CALN1: variants seen among roughly 807,000 people sequenced by gnomAD.
The protein encoded by CALN1 is calcium-binding protein 8.
In CALN1, 17 loss-of-function variants were observed where a neutral mutation model predicts 30.6. The ratio of observed to expected loss-of-function variants is 0.56; its 90% confidence interval spans 0.38 to 0.83. CALN1 has a LOEUF of 0.83. CALN1 is among the 40% of genes least tolerant of loss of function. The pLI is 0.00. For missense variants in CALN1, 291 were observed against 354.9 expected (o/e 0.82, Z 1.45); for synonymous variants, 156 against 131.4 (o/e 1.19, Z -1.28).
chr7:72,186,885 C>CTTTTT (rs34604151), intron 3 of CALN1, among the ~76,000 whole-genome samples: 3 of 61,296 alleles, frequency 4.9e-5, no homozygotes, highest in Non-Finnish European at 3.1e-5. Context: ...GAGTGCAGAG[C>CTTTTT]TTTTTTTTTT....
At chr7:72,086,021 AT>A (rs759667996) in intron 4 of CALN1, among the ~76,000 whole-genome samples, 1 of 152,180 alleles carries the variant, frequency 6.6e-6, no homozygotes, top group Non-Finnish European at 1.5e-5. Flanking sequence ...AGATAAAAAA[AT>A]ATATAAAGTT....
rs868680388 is a variant in CALN1, at chr7:72,106,033, C to T, written c.388+118G>A. ...AAGCCTGTTCTAGTCCAAGTTTCTGCTTCTCAAATGTAAACCAAGTCTCTG... is the reference window on the plus strand; with the variant it reads ...AAGCCTGTTCTAGTCCAAGTTTCTGTTTCTCAAATGTAAACCAAGTCTCTG... On this transcript the variant is annotated intron_variant, in intron 4 of 6. Coordinates refer to ENST00000395275, the MANE Select transcript of CALN1 (RefSeq NM_031468.4). The T allele has an allele frequency of 2.1e-5, 29 of 1,356,364 alleles. No individual in the cohort carries two copies. In the African/African-American group the frequency reaches 3.9e-4, roughly 18 times the overall value. The allele number at this position is 1,356,364 out of a possible 1,614,324, so 84.0% of individuals were successfully genotyped here.
chr7:72,420,762 G>A (rs1585710609), intron 1 of CALN1, among the ~76,000 whole-genome samples: 1 of 151,616 alleles, frequency 6.6e-6, no homozygotes, highest in African/African-American at 2.4e-5. Flanking sequence ...TGGGACTACA[G>A]GAGCCCGCCA....
At chr7:71,926,462 C>T (rs762575565) in intron 5 of CALN1, among the ~76,000 whole-genome samples, 2 of 152,178 alleles carry the variant, frequency 1.3e-5, no homozygotes, top group Non-Finnish European at 2.9e-5. Context: ...CAAACCCTAT[C>T]CATGCTTGTT....
At chr7:72,044,219 G>A (rs17144279) in intron 4 of CALN1, among the ~76,000 whole-genome samples, 25,128 of 152,028 alleles carry the variant, frequency 0.17, 2,850 homozygotes, top group East Asian at 0.35. Context: ...TAGCAGAACA[G>A]GAGGAGCAAA....
intron 3 of CALN1, among the ~76,000 whole-genome samples, chr7:72,252,020 A>G (rs1384176350): frequency 2.0e-5 from 3 of 152,188 alleles, no homozygotes; most frequent in Non-Finnish European, 4.4e-5. Context: ...ACACCACACA[A>G]GATATTTTAC....
intron 2 of CALN1, among the ~76,000 whole-genome samples, chr7:72,348,979 G>C (rs1802785194): frequency 6.6e-6 from 1 of 152,098 alleles, no homozygotes; most frequent in Non-Finnish European, 1.5e-5. Flanking sequence ...GATGTTCAAG[G>C]ATTTAAAGGA....
In CALN1 at chr7:71,923,022, A is replaced by T. The variant is rs866408944; in HGVS notation, c.501+100635T>A. Among the ~76,000 whole-genome samples the T allele has an allele frequency of 9.1e-5, 11 of 120,530 alleles. 1 individual carries two copies. The highest frequency in any genetic ancestry group is 2.2e-4 in the East Asian group (1 of 4,604). 79.1% of individuals were successfully genotyped at this position (120,530 alleles called of 152,430 possible). A position where few individuals can be genotyped will look rare whatever the true frequency, so the allele number is the denominator to read the frequency against. On this transcript the variant is annotated intron_variant, in intron 5 of 6. Coordinates refer to ENST00000395275, the MANE Select transcript of CALN1 (RefSeq NM_031468.4). ...ACTACACTATACTATACTATACTAT[A>T]CTATTCTATACTATACTATACTATA...
At chr7:72,428,804 G>T (rs1235633837) in intron 1 of CALN1, among the ~76,000 whole-genome samples, 1 of 152,170 alleles carries the variant, frequency 6.6e-6, no homozygotes, top group African/African-American at 2.4e-5. Context: ...TTCAAGACCA[G>T]CCTGGCCAAC....
chr7:71,805,650 G>A (rs1195811279), intron 6 of CALN1, among the ~76,000 whole-genome samples: 3 of 146,770 alleles, frequency 2.0e-5, no homozygotes, highest in Non-Finnish European at 4.5e-5. Flanking sequence ...AGTGTTGATC[G>A]TGAGGTCAGC....
intron 3 of CALN1, among the ~76,000 whole-genome samples, chr7:72,207,601 C>T (rs1385998820): frequency 1.3e-5 from 2 of 150,348 alleles, no homozygotes; most frequent in African/African-American, 2.5e-5. Context: ...CAGGCATGAG[C>T]CACTGCACCC....
chr7:72,166,092 G>A (rs1204931404), intron 3 of CALN1, among the ~76,000 whole-genome samples: 2 of 152,200 alleles, frequency 1.3e-5, no homozygotes, highest in Non-Finnish European at 2.9e-5. Context: ...GTGAGCACTA[G>A]CCATGTATTA....
At chr7:71,954,848 G>C (rs996487190) in intron 5 of CALN1, among the ~76,000 whole-genome samples, 1 of 152,190 alleles carries the variant, frequency 6.6e-6, no homozygotes, top group Non-Finnish European at 1.5e-5. Flanking sequence ...GGTTGATTCA[G>C]AGCAGTGAAG....
intron 4 of CALN1, among the ~76,000 whole-genome samples, chr7:72,096,772 C>T (rs1806264467): frequency 1.3e-5 from 2 of 152,186 alleles, no homozygotes; most frequent in African/African-American, 4.8e-5. Flanking sequence ...GGATCTAGAA[C>T]CAGAAATACC....
At chr7:71,926,220 C>G (rs976409917) in intron 5 of CALN1, among the ~76,000 whole-genome samples, 1 of 152,146 alleles carries the variant, frequency 6.6e-6, no homozygotes, top group Non-Finnish European at 1.5e-5. Context: ...CATGTGTCCC[C>G]GATGAGCATT....
At chr7:72,433,503 C>T (rs1023234042) in intron 1 of CALN1, among the ~76,000 whole-genome samples, 4 of 152,154 alleles carry the variant, frequency 2.6e-5, no homozygotes, top group African/African-American at 7.2e-5. Context: ...GGAAGCAATG[C>T]CCTGCTACCC....
intron 2 of CALN1, among the ~76,000 whole-genome samples, chr7:72,284,018 T>C (rs1223006758): frequency 6.6e-6 from 1 of 152,218 alleles, no homozygotes; most frequent in Non-Finnish European, 1.5e-5. Context: ...AGGCCATGTA[T>C]GGTGCCTAAC....
chr7:72,106,178 T>C lies in CALN1; in HGVS notation c.361A>G (p.Ile121Val), dbSNP rs372699854. The change falls in exon 4 of 7, where the codon ATC (isoleucine) becomes GTC (valine). Residue 121 changes from isoleucine to valine, a missense_variant. Ile to Val is a conservative substitution (Grantham distance 29). This residue lies in a region of CALN1 where 169 missense variants were observed against 251.7 expected (regional missense o/e 0.67). Coordinates refer to ENST00000395275, the MANE Select transcript of CALN1 (RefSeq NM_031468.4). The stretch of plus-strand genomic sequence containing the variant: ...TCCATGTCCAAGCGCTGCATGATGA[T>C]GGCCAGCTCCACCTCGCTTGGCATG... ...GYMPSEVELA[I>V]IMQRLDMDGD... 7 of 1,613,876 alleles carry C rather than the reference T, an allele frequency of 4.3e-6. No homozygotes were observed. Among genetic ancestry groups the C allele is most frequent in the East Asian group, 2.2e-5 (1 of 44,850 alleles).
At chr7:72,184,497 G>A (rs1790043616) in intron 3 of CALN1, among the ~76,000 whole-genome samples, 2 of 152,164 alleles carry the variant, frequency 1.3e-5, no homozygotes, top group African/African-American at 4.8e-5. Flanking sequence ...ACATAGTTAA[G>A]GTGCTTGACA....
Sources: gnomAD v4.1 joint callset for allele counts (sites outside exome capture counted in the v4.1 genomes callset) on GRCh38, gnomAD v4.1.1 for gene constraint, gnomAD v4.1.1 regional missense constraint, MANE v1.5 for transcripts, NCBI Gene and HGNC (gene_info 2026-07-23, HGNC 2026-07-21) for gene names.